SLC24A3: variants seen among roughly 807,000 people sequenced by gnomAD.
The protein encoded by SLC24A3 is solute carrier family 24 member 3.
SLC24A3 carries 28 observed loss-of-function variants against 75.8 expected under a neutral mutation model. The observed-to-expected ratio is 0.37, with a 90% CI of 0.27 to 0.51. SLC24A3 has a LOEUF of 0.51. Ranked by LOEUF, SLC24A3 falls within the 20% of genes least tolerant of loss-of-function variation. SLC24A3 has a pLI of 0.94. For missense variants in SLC24A3, 663 were observed against 847.8 expected (o/e 0.78, Z 2.71); for synonymous variants, 372 against 334.1 (o/e 1.11, Z -1.24).
At position 19,451,492 on chromosome 20, in the gene SLC24A3, C is replaced by T. The variant is rs536668722; in HGVS notation, c.272-63996C>T. ...CAATCTTTATCTCCTTCATTGCTGACGATAAGTCTGCTATGTGGCACAGTG... is the reference window on the plus strand; with the variant it reads ...CAATCTTTATCTCCTTCATTGCTGATGATAAGTCTGCTATGTGGCACAGTG... On this transcript the variant is annotated intron_variant, in intron 2 of 16. Coordinates refer to ENST00000328041, the MANE Select transcript of SLC24A3 (RefSeq NM_020689.4). Among the ~76,000 whole-genome samples the T allele has an allele frequency of 3.9e-5, 6 of 152,298 alleles. 1 individual carries two copies. Among genetic ancestry groups the T allele is most frequent in the Non-Finnish European group, 4.4e-5 (3 of 68,004 alleles).
chr20:19,213,673 C>T (rs1981472863), intron 1 of SLC24A3, among the ~76,000 whole-genome samples: 2 of 152,206 alleles, frequency 1.3e-5, no homozygotes, highest in Admixed American at 6.5e-5. Context: ...TCACACTGTC[C>T]GCTCCTCTAC....
intron 2 of SLC24A3, among the ~76,000 whole-genome samples, chr20:19,393,752 G>T (rs758211780): frequency 2.0e-5 from 3 of 152,056 alleles, no homozygotes; most frequent in Non-Finnish European, 2.9e-5. Flanking sequence ...TTATGTAATT[G>T]GAATAGTTAA....
intron 3 of SLC24A3, among the ~76,000 whole-genome samples, chr20:19,544,216 A>C (rs2030549901): frequency 6.6e-6 from 1 of 152,224 alleles, no homozygotes; most frequent in African/African-American, 2.4e-5. Flanking sequence ...AGAAAGGATA[A>C]GCCACAGGCT....
At chr20:19,244,471 G>A (rs1007044996) in intron 1 of SLC24A3, among the ~76,000 whole-genome samples, 2 of 152,184 alleles carry the variant, frequency 1.3e-5, no homozygotes, top group African/African-American at 2.4e-5. Flanking sequence ...CGAGGTGGAG[G>A]GGAGAATTTA....
chr20:19,221,397 A>G (rs998534626), intron 1 of SLC24A3, among the ~76,000 whole-genome samples: 2 of 152,020 alleles, frequency 1.3e-5, no homozygotes, highest in African/African-American at 2.4e-5. Flanking sequence ...TATTTCTTTT[A>G]ACTTTCCCTT....
chr20:19,322,425 T>G (rs557685876), intron 2 of SLC24A3, among the ~76,000 whole-genome samples: 1 of 151,264 alleles, frequency 6.6e-6, no homozygotes, highest in East Asian at 2.0e-4. Flanking sequence ...CTTCCTTCTT[T>G]CCTTACATCC....
At chr20:19,673,710 T>C in intron 9 of SLC24A3, 56 bp downstream of exon 9, 1 of 1,443,768 alleles carries the variant, frequency 6.9e-7, no homozygotes, top group South Asian at 1.1e-5. Flanking sequence ...CCACATTATG[T>C]GATGATGTGG....
At chr20:19,279,969 C>T (rs989932733) in intron 1 of SLC24A3, among the ~76,000 whole-genome samples, 3 of 152,314 alleles carry the variant, frequency 2.0e-5, no homozygotes, top group Middle Eastern at 3.4e-3. Flanking sequence ...TGGCCAGCAA[C>T]GTGGCCATTC....
intron 1 of SLC24A3, among the ~76,000 whole-genome samples, chr20:19,250,203 A>G (rs1163195192): frequency 6.6e-6 from 1 of 152,206 alleles, no homozygotes; most frequent in African/African-American, 2.4e-5. Context: ...TTTGGCAGCT[A>G]ACTTTCCGAC....
At chr20:19,397,138 C>T (rs1986467622) in intron 2 of SLC24A3, among the ~76,000 whole-genome samples, 1 of 152,210 alleles carries the variant, frequency 6.6e-6, no homozygotes, top group Non-Finnish European at 1.5e-5. Context: ...TTCATTCTTT[C>T]AGTCTCAATG....
At chr20:19,357,475 A>AT (rs746907762) in intron 2 of SLC24A3, among the ~76,000 whole-genome samples, 83 of 151,988 alleles carry the variant, frequency 5.5e-4, no homozygotes, top group Non-Finnish European at 7.2e-4. Flanking sequence ...AACATTGCCT[A>AT]TTTTTTCTTA....
chr20:19,278,610 T>A (rs1234776176), intron 1 of SLC24A3, among the ~76,000 whole-genome samples: 3 of 152,230 alleles, frequency 2.0e-5, no homozygotes, highest in Non-Finnish European at 2.9e-5. Flanking sequence ...ATTCAGGTTA[T>A]CCAAACTACA....
intron 12 of SLC24A3, among the ~76,000 whole-genome samples, chr20:19,690,030 CAAAAAAAAA>C (rs538406361): frequency 2.3e-5 from 2 of 87,826 alleles, no homozygotes; most frequent in East Asian, 4.0e-4. Flanking sequence ...GACTCTGTCT[CAAAAAAAAA>C]AAAAAAAAAA....
chr20:19,419,728 A>G (rs1256368962), intron 2 of SLC24A3, among the ~76,000 whole-genome samples: 4 of 151,950 alleles, frequency 2.6e-5, no homozygotes, highest in Non-Finnish European at 4.4e-5. Flanking sequence ...GAAGCTGCAC[A>G]GCATCTCCTT....
chr20:19,691,207 T>A (rs6046251), intron 12 of SLC24A3, among the ~76,000 whole-genome samples: 51,785 of 152,076 alleles, frequency 0.34, 9,516 homozygotes, highest in African/African-American at 0.47. Flanking sequence ...ATAGAAAAGC[T>A]GGAGTGAGAT....
intron 2 of SLC24A3, among the ~76,000 whole-genome samples, chr20:19,418,575 C>CA (rs551518445): frequency 1.7e-3 from 252 of 151,714 alleles, no homozygotes; most frequent in Admixed American, 5.6e-3. Flanking sequence ...ATGAAATTAT[C>CA]AAAGAAAAAT....
intron 2 of SLC24A3, among the ~76,000 whole-genome samples, chr20:19,506,947 G>C (rs1376683506): frequency 6.6e-6 from 1 of 152,164 alleles, no homozygotes; most frequent in Non-Finnish European, 1.5e-5. Context: ...TGGTTCCCTG[G>C]AACACCCAGC....
intron 1 of SLC24A3, among the ~76,000 whole-genome samples, chr20:19,228,644 C>CAAAAAAAAAAAAAAAA (rs974718754): frequency 7.8e-6 from 1 of 128,752 alleles, no homozygotes; most frequent in Non-Finnish European, 1.7e-5. Context: ...GACTCCGTCT[C>CAAAAAAAAAAAAAAAA]AAAAAAAAAA....
At position 19,488,426 on chromosome 20, in the gene SLC24A3, T is replaced by A. The variant is rs1988159434; in HGVS notation, c.272-27062T>A. Among the ~76,000 whole-genome samples, 3 of 152,328 alleles carry A rather than the reference T, an allele frequency of 2.0e-5. No individual in the cohort carries two copies. In the South Asian group the frequency reaches 6.2e-4, roughly 32 times the overall value. On this transcript the variant is annotated intron_variant, in intron 2 of 16. Coordinates refer to ENST00000328041, the MANE Select transcript of SLC24A3 (RefSeq NM_020689.4). ...GGCAGTGCTTCATTATAGAGCCTCA[T>A]GTGTGAGGTTCTGTTCTCCCTCAGA...
Sources: gnomAD v4.1 joint callset for allele counts (sites outside exome capture counted in the v4.1 genomes callset) on GRCh38, gnomAD v4.1.1 for gene constraint, MANE v1.5 for transcripts, NCBI Gene and HGNC (gene_info 2026-07-23, HGNC 2026-07-21) for gene names.